Variants in PRTG observed in about 807,000 individuals in gnomAD.
PRTG encodes the protein protogenin, also known as immunoglobulin superfamily, DCC subclass, member 5.
Under a neutral mutation model 122.5 loss-of-function variants are expected in PRTG, and 67 were observed. The ratio of observed to expected loss-of-function variants is 0.55; its 90% CI spans 0.45 to 0.67. The LOEUF is 0.67. Ranked by LOEUF, PRTG falls within the 30% of genes least tolerant of loss-of-function variation. The pLI, the probability that PRTG is intolerant of heterozygous loss-of-function variation, is 0.00. For synonymous variants in PRTG, 554 were observed against 501.1 expected, an observed-to-expected ratio of 1.11 and a Z score of -1.41; for missense variants, 1,435 against 1,415.4, an observed-to-expected ratio of 1.01 and a Z score of -0.22.
At chr15:55,683,641 T>G (rs2059553878) in intron 3 of PRTG, 146 bp downstream of exon 3, 1 of 588,342 alleles carries the variant, frequency 1.7e-6, no homozygotes, top group Non-Finnish European at 2.8e-6. Context: ...GATCTAATTC[T>G]TTGGCTAAGT....
At position 55,628,879 on chromosome 15, in the gene PRTG, T is replaced by C. The variant is rs1348032148; in HGVS notation, c.2749A>G (p.Lys917Glu). 4 of 1,614,102 alleles carry C rather than the reference T, an allele frequency of 2.5e-6. No homozygotes were observed. Among genetic ancestry groups the C allele is most frequent in the Non-Finnish European group, 1.7e-6 (2 of 1,179,976 alleles). ...CTCTGATTTGATTCAGAGGTTTCCTTTGGAAGTACTGCCAGCTCCACAGAA... is the reference window on the plus strand; with the variant it reads ...CTCTGATTTGATTCAGAGGTTTCCTCTGGAAGTACTGCCAGCTCCACAGAA... ...SNSVELAVLPKETSESNQRPK... is the reference protein window; with the variant it reads ...SNSVELAVLPEETSESNQRPK... Residue 917 changes from lysine to glutamate, a missense_variant, in exon 16 of 20, where the codon AAG becomes GAG. Physicochemically the swap from Lys to Glu is moderately conservative, Grantham distance 56. Transcript: ENST00000389286.
chr15:55,660,037 A>T (rs1043085143), intron 11 of PRTG, among the ~76,000 whole-genome samples: 4 of 152,158 alleles, frequency 2.6e-5, no homozygotes, highest in Middle Eastern at 3.4e-3. Flanking sequence ...TAACACACAT[A>T]CTCATTATAT....
intron 2 of PRTG, among the ~76,000 whole-genome samples, chr15:55,721,348 C>T (rs1364536364): frequency 6.6e-6 from 1 of 152,134 alleles, no homozygotes; most frequent in African/African-American, 2.4e-5. Flanking sequence ...TGAAGCCAAT[C>T]CCTTGCAGTT....
intron 15 of PRTG, among the ~76,000 whole-genome samples, chr15:55,632,638 T>C (rs2059234099): frequency 6.6e-6 from 1 of 152,230 alleles, no homozygotes; most frequent in Non-Finnish European, 1.5e-5. Context: ...TGCACACTTC[T>C]GCCTCAGGGC....
At chr15:55,630,221 C>T (rs2059220049) in intron 15 of PRTG, among the ~76,000 whole-genome samples, 3 of 152,090 alleles carry the variant, frequency 2.0e-5, no homozygotes, top group Admixed American at 2.0e-4. Context: ...CTCCTGCCCT[C>T]GTGATCTGCC....
At position 55,612,697 on chromosome 15, in the gene PRTG, A is replaced by AAT. The variant is rs59773365; in HGVS notation, c.*7313_*7314dup. 377 of 120,396 alleles carry AAT rather than the reference A, an allele frequency of 3.1e-3. 7 individuals carry two copies. The highest frequency in any genetic ancestry group is 8.4e-3 in the African/African-American group (179 of 21,268). 7.5% of individuals were successfully genotyped at this position (120,396 alleles called of 1,614,324 possible). A position where few individuals can be genotyped will look rare whatever the true frequency, so the allele number is the denominator to read the frequency against. Reference sequence around the variant, plus strand: ...TTCTCTCTTTAACTCTTTAAAAGCCAATATATATATATATATATATATATA... The same window carrying AAT: ...TTCTCTCTTTAACTCTTTAAAAGCCAATATATATATATATATATATATATATA... On this transcript the variant is annotated 3_prime_UTR_variant, in exon 20 of 20. Transcript: ENST00000389286.
chr15:55,638,825 T>C, intron 13 of PRTG, 149 bp from the exon 14 acceptor site: 1 of 662,950 alleles, frequency 1.5e-6, no homozygotes. Context: ...AAAGAACAAT[T>C]TAATTGGACT....
chr15:55,635,827 G>A (rs2059254921), intron 15 of PRTG, among the ~76,000 whole-genome samples: 1 of 152,132 alleles, frequency 6.6e-6, no homozygotes, highest in Admixed American at 6.5e-5. Context: ...GTATGTGGGA[G>A]TGCCTAGTAC....
At chr15:55,644,308 A>T (rs2059308591) in intron 11 of PRTG, among the ~76,000 whole-genome samples, 1 of 152,170 alleles carries the variant, frequency 6.6e-6, no homozygotes, top group Non-Finnish European at 1.5e-5. Flanking sequence ...ATATGAATAC[A>T]GCTATTTCAC....
chr15:55,660,233 C>T (rs760667873), intron 11 of PRTG, among the ~76,000 whole-genome samples: 3 of 152,056 alleles, frequency 2.0e-5, no homozygotes, highest in African/African-American at 4.8e-5. Flanking sequence ...ATTTCATGTG[C>T]GTTAAGTTTT....
chr15:55,703,764 A>C (rs1312935658), intron 2 of PRTG, among the ~76,000 whole-genome samples: 1 of 152,188 alleles, frequency 6.6e-6, no homozygotes, highest in African/African-American at 2.4e-5. Flanking sequence ...ACTTGACTTA[A>C]ATTTTTAAAA....
Position 55,638,561 on chromosome 15 carries a change from T to C in PRTG, c.2440A>G (p.Thr814Ala). 4.4e-6 allele frequency: 7 copies of C among 1,608,678 alleles called. No homozygotes were observed. The highest frequency in any genetic ancestry group is 5.1e-6 in the Non-Finnish European group (6 of 1,178,002). ...SPWSPVVYHS[T>A]LPEAPAGPPV... ...CTGTTTTCTTTACCTTCTGGAAGAG[T>C]AGAATGGTAGACTACAGGGCTCCAA... Residue 814 changes from threonine (T) to alanine (A), a missense_variant, in exon 14 of 20, where the codon ACT becomes GCT. Physicochemically the swap from Thr to Ala is moderately conservative, Grantham distance 58 (BLOSUM62 0). Coordinates refer to ENST00000389286, the MANE Select transcript of PRTG (RefSeq NM_173814.6).
chr15:55,733,423 T>A (rs1430584330), intron 2 of PRTG, among the ~76,000 whole-genome samples: 1 of 150,556 alleles, frequency 6.6e-6, no homozygotes, highest in Non-Finnish European at 1.5e-5. Flanking sequence ...GGCATGAAAA[T>A]TGCTTGAAAC....
intron 18 of PRTG, among the ~76,000 whole-genome samples, chr15:55,622,670 C>T (rs1358653435): frequency 1.6e-4 from 25 of 151,826 alleles, no homozygotes; most frequent in Admixed American, 1.3e-3. Context: ...GGATTACAGG[C>T]GTGAGCCACC....
intron 11 of PRTG, among the ~76,000 whole-genome samples, chr15:55,643,433 T>A (rs1363449170): frequency 2.0e-5 from 3 of 152,182 alleles, no homozygotes; most frequent in Non-Finnish European, 4.4e-5. Flanking sequence ...GATACCAATG[T>A]TTCTTTTGTT....
At chr15:55,742,196 C>A (rs1383365876) in intron 1 of PRTG, 2 of 152,522 alleles carry the variant, frequency 1.3e-5, no homozygotes, top group South Asian at 2.1e-4. Flanking sequence ...ACTTTTCCCC[C>A]CTCCTTTCCG....
chr15:55,664,483 T>C (rs1490633402), intron 11 of PRTG, among the ~76,000 whole-genome samples: 1 of 152,110 alleles, frequency 6.6e-6, no homozygotes, highest in African/African-American at 2.4e-5. Context: ...TAAAACAAGA[T>C]ATGGTAATTA....
intron 2 of PRTG, among the ~76,000 whole-genome samples, chr15:55,721,463 G>A (rs1472971215): frequency 3.9e-5 from 6 of 152,152 alleles, no homozygotes; most frequent in African/African-American, 7.2e-5. Context: ...ATGTTGGGGT[G>A]CCATTTCTTT....
chr15:55,614,449 A>G lies in PRTG; in HGVS notation c.*5563T>C, dbSNP rs1449394218. ...GTTGTGAATATGTCATTAAAAGAAAACAAAGAATAAACTTGAGCATGGTCC... is the reference window on the plus strand; with the variant it reads ...GTTGTGAATATGTCATTAAAAGAAAGCAAAGAATAAACTTGAGCATGGTCC... On this transcript the variant is annotated 3_prime_UTR_variant, in exon 20 of 20. Coordinates refer to ENST00000389286, the MANE Select transcript of PRTG (RefSeq NM_173814.6). 1.3e-5 allele frequency: 2 copies of G among 152,222 alleles called. No individual in the cohort carries two copies. Among genetic ancestry groups the G allele is most frequent in the African/African-American group, 4.8e-5 (2 of 41,562 alleles). The allele number at this position is 152,222 out of a possible 1,614,324, so 9.4% of individuals were successfully genotyped here.
Sources: gnomAD v4.1 joint callset for allele counts (sites outside exome capture counted in the v4.1 genomes callset) on GRCh38, gnomAD v4.1.1 for gene constraint, MANE v1.5 for transcripts, NCBI Gene and HGNC (gene_info 2026-07-23, HGNC 2026-07-21) for gene names.